Variants in CLVS1 observed in about 807,000 individuals in gnomAD.
CLVS1 encodes the protein clavesin 1.
CLVS1 carries 10 observed loss-of-function variants against 33.1 expected under a neutral mutation model. The observed-to-expected ratio is 0.30, with a 90% CI of 0.19 to 0.51. The LOEUF (loss-of-function observed/expected upper bound fraction) is 0.51. Among genes scored for constraint, CLVS1 ranks in the 20% least tolerant of loss-of-function variants. CLVS1 has a pLI of 0.97. For missense variants in CLVS1, 343 were observed against 433.4 expected (o/e 0.79, Z 1.85); for synonymous variants, 163 against 166.1 (o/e 0.98, Z 0.14).
rs59394782 is a variant in CLVS1 at position 61,088,487 on chromosome 8, C to CA, written c.-243+31276dup. Among the ~76,000 whole-genome samples the CA allele has an allele frequency of 4.8e-3, 506 of 105,158 alleles. 10 individuals are homozygous for CA. Among genetic ancestry groups the CA allele is most frequent in the Middle Eastern group, 0.02 (4 of 200 alleles). 69.0% of individuals were successfully genotyped at this position (105,158 alleles called of 152,430 possible). A position where few individuals can be genotyped will look rare whatever the true frequency, so the allele number is the denominator to read the frequency against. On this transcript the variant is annotated intron_variant, in intron 1 of 2. Coordinates refer to the CLVS1 transcript ENST00000522621. ...CCAAGGTAACAGAGCGAGACTGTCT[C>CA]AAAAAAAAAAAAAAAAAAAGGAGCA...
chr8:61,051,411 G>A, the CLVS1 span, among the ~76,000 whole-genome samples: 1 of 152,214 alleles, frequency 6.6e-6, no homozygotes. Flanking sequence ...GGAAAATGGG[G>A]TCCCCTCTAA....
chr8:61,257,238 G>C (rs913607521), intron 2 of CLVS1, among the ~76,000 whole-genome samples: 5 of 152,106 alleles, frequency 3.3e-5, no homozygotes, highest in African/African-American at 1.2e-4. Context: ...CTTTTCTTTT[G>C]CAGCAACCAA....
intron 2 of CLVS1, among the ~76,000 whole-genome samples, chr8:61,187,217 A>G (rs1389135884): frequency 6.6e-6 from 1 of 152,194 alleles, no homozygotes; most frequent in Non-Finnish European, 1.5e-5. Context: ...ATAAAGACAG[A>G]AATTAATTAT....
At chr8:60,978,739 C>T in the CLVS1 span, among the ~76,000 whole-genome samples, 26 of 128,942 alleles carry the variant, frequency 2.0e-4, no homozygotes, top group Admixed American at 1.7e-3. Flanking sequence ...TGCTTGAACA[C>T]GGGAGGTGGA....
At chr8:61,290,866 T>C (rs1809963990) in intron 1 of CLVS1, among the ~76,000 whole-genome samples, 1 of 152,200 alleles carries the variant, frequency 6.6e-6, no homozygotes, top group African/African-American at 2.4e-5. Context: ...TATTGCTTGT[T>C]TTGATTATTG....
At chr8:60,981,389 T>G in the CLVS1 span, among the ~76,000 whole-genome samples, 1 of 152,236 alleles carries the variant, frequency 6.6e-6, no homozygotes, top group Middle Eastern at 3.2e-3. Context: ...ACAGGCAAGT[T>G]AAAGATGATT....
chr8:61,104,366 A>G (rs1377207082), intron 1 of CLVS1, among the ~76,000 whole-genome samples: 1 of 152,176 alleles, frequency 6.6e-6, no homozygotes, highest in African/African-American at 2.4e-5. Context: ...TGCTGCAGAG[A>G]TATATAGGTA....
chr8:61,073,263 C>T (rs1487872542), intron 1 of CLVS1, among the ~76,000 whole-genome samples: 2 of 152,116 alleles, frequency 1.3e-5, no homozygotes, highest in African/African-American at 4.8e-5. Context: ...TTGTTCTTAC[C>T]ATAATTTCTT....
rs578000002 is a variant in CLVS1 at position 61,244,888 on chromosome 8, C to G, written c.-151-54789C>G. Among the ~76,000 whole-genome samples the G allele has an allele frequency of 5.9e-5, 9 of 152,088 alleles. No homozygotes were observed. In the East Asian group the frequency reaches 1.7e-3, roughly 29 times the overall value. Reference sequence around the variant, plus strand: ...ACATTGTAACAAAACTGCAAAAAGTCTATTGATTTTTAAAAGTTTCCATAT... The same window carrying G: ...ACATTGTAACAAAACTGCAAAAAGTGTATTGATTTTTAAAAGTTTCCATAT... On this transcript the variant is annotated intron_variant, in intron 2 of 2. Coordinates refer to the CLVS1 transcript ENST00000522621.
chr8:61,361,582 T>C (rs1664176383), intron 2 of CLVS1, among the ~76,000 whole-genome samples: 1 of 152,172 alleles, frequency 6.6e-6, no homozygotes, highest in African/African-American at 2.4e-5. Context: ...GTCTTCCCCA[T>C]AGCCCATCTC....
intron 2 of CLVS1, among the ~76,000 whole-genome samples, chr8:61,335,281 CAAG>C (rs1333196582): frequency 6.6e-6 from 1 of 152,180 alleles, no homozygotes; most frequent in Admixed American, 6.5e-5. Context: ...TAGTCCTCGA[CAAG>C]AAGGAGGACT....
chr8:61,014,512 G>T, the CLVS1 span, among the ~76,000 whole-genome samples: 4 of 152,164 alleles, frequency 2.6e-5, no homozygotes, highest in African/African-American at 7.2e-5. Flanking sequence ...TGAAATAGGT[G>T]ATTTCAACTG....
chr8:61,332,505 C>T (rs1222082708), intron 2 of CLVS1, among the ~76,000 whole-genome samples: 4 of 152,182 alleles, frequency 2.6e-5, no homozygotes, highest in Admixed American at 1.3e-4. Flanking sequence ...ATCAGCTTGC[C>T]AACTTCCGAA....
chr8:61,182,784 A>G (rs899802764), intron 2 of CLVS1, among the ~76,000 whole-genome samples: 1 of 152,228 alleles, frequency 6.6e-6, no homozygotes, highest in African/African-American at 2.4e-5. Flanking sequence ...TGACCCAGCA[A>G]TCCCATTACC....
At chr8:61,040,864 G>T in the CLVS1 span, among the ~76,000 whole-genome samples, 1 of 151,982 alleles carries the variant, frequency 6.6e-6, no homozygotes, top group African/African-American at 2.4e-5. Context: ...ATTTTTTGTT[G>T]TTGCAATTGC....
At chr8:61,090,860 A>G (rs1312166715) in intron 1 of CLVS1, 2 of 518,714 alleles carry the variant, frequency 3.9e-6, no homozygotes, top group African/African-American at 1.9e-5. Context: ...TTTTGAGCTG[A>G]TGAGAAGACT....
the CLVS1 span, among the ~76,000 whole-genome samples, chr8:61,006,168 G>C: frequency 6.6e-6 from 1 of 152,184 alleles, no homozygotes; most frequent in Non-Finnish European, 1.5e-5. Flanking sequence ...TTGAAGGGAG[G>C]GAAGGGACAA....
At chr8:60,987,489 A>C in the CLVS1 span, among the ~76,000 whole-genome samples, 1 of 152,202 alleles carries the variant, frequency 6.6e-6, no homozygotes, top group African/African-American at 2.4e-5. Context: ...GAAGGAAAGA[A>C]GGAATGATAG....
chr8:61,241,374 TAAGTC>T (rs1381256300), intron 2 of CLVS1, among the ~76,000 whole-genome samples: 1 of 152,146 alleles, frequency 6.6e-6, no homozygotes, highest in African/African-American at 2.4e-5. Context: ...ATTTCTGAGA[TAAGTC>T]AAGTTTGTCA....
Sources: allele counts gnomAD v4.1 joint callset (sites outside exome capture counted in the v4.1 genomes callset), GRCh38; gene constraint gnomAD v4.1.1; transcripts MANE v1.5; gene names NCBI Gene and HGNC (gene_info 2026-07-23, HGNC 2026-07-21).